Variants in VAT1L observed in about 807,000 individuals in gnomAD.
The protein encoded by VAT1L is vesicle amine transport 1 like, also known as putative NADPH-dependent quinone oxidoreductase VAT1L.
Under a neutral mutation model 44.1 loss-of-function variants are expected in VAT1L, and 34 were observed. The ratio of observed to expected loss-of-function variants is 0.77; its 90% confidence interval spans 0.59 to 1.03. The LOEUF is 1.03. Ranked by LOEUF, VAT1L falls within the 50% of genes least tolerant of loss-of-function variation. The probability of loss-of-function intolerance (pLI) is 0.00; values close to 1 mark genes in which losing one functional copy is unlikely to be tolerated. For synonymous variants in VAT1L, 253 were observed against 202.2 expected (o/e 1.25, Z -2.13); for missense variants, 615 against 538.8 (o/e 1.14, Z -1.40).
At chr16:77,863,618 G>T (rs1364339686) in intron 4 of VAT1L, among the ~76,000 whole-genome samples, 1 of 152,188 alleles carries the variant, frequency 6.6e-6, no homozygotes, top group African/African-American at 2.4e-5. Context: ...GGAGGGGGCT[G>T]CTCTGGGAAA....
chr16:77,811,169 A>G (rs2016257563), intron 1 of VAT1L, among the ~76,000 whole-genome samples: 1 of 152,216 alleles, frequency 6.6e-6, no homozygotes, highest in African/African-American at 2.4e-5. Flanking sequence ...ACCTGAGGAA[A>G]GAACAGGATA....
At chr16:77,795,286 G>GT (rs1188740186) in intron 1 of VAT1L, among the ~76,000 whole-genome samples, 1 of 147,466 alleles carries the variant, frequency 6.8e-6, no homozygotes, top group Non-Finnish European at 1.5e-5. Context: ...GTGGGGGCGG[G>GT]GGGAAAGATT....
intron 7 of VAT1L, among the ~76,000 whole-genome samples, chr16:77,906,496 T>G (rs571959055): frequency 6.6e-6 from 1 of 152,202 alleles, no homozygotes; most frequent in Admixed American, 6.5e-5. Context: ...TACAGACTTA[T>G]GTGCAGGAAC....
At chr16:77,900,527 TCTA>T (rs1354447360) in intron 7 of VAT1L, among the ~76,000 whole-genome samples, 2 of 151,778 alleles carry the variant, frequency 1.3e-5, no homozygotes, top group Admixed American at 1.3e-4. Flanking sequence ...AAACCCCATT[TCTA>T]CTAAAAATAC....
intron 5 of VAT1L, among the ~76,000 whole-genome samples, chr16:77,877,512 C>CAAAAAAAAAAAAAA (rs55704400): frequency 1.2e-5 from 1 of 86,822 alleles, no homozygotes; most frequent in African/African-American, 4.0e-5. Flanking sequence ...GACTCTGTCT[C>CAAAAAAAAAAAAAA]AAAAAAAAAA....
chr16:77,932,317 G>A (rs2017741872), intron 7 of VAT1L, among the ~76,000 whole-genome samples: 1 of 151,934 alleles, frequency 6.6e-6, no homozygotes, highest in Non-Finnish European at 1.5e-5. Flanking sequence ...GTGTTAGCCA[G>A]GATGGTGTCC....
In VAT1L at chr16:77,877,119, C is replaced by G. The variant is rs899507718; in HGVS notation, c.826+646C>G. 2.0e-5 allele frequency among the ~76,000 whole-genome samples: 3 copies of G among 152,186 alleles called. No homozygotes were observed. In the East Asian group the frequency reaches 5.8e-4, roughly 29 times the overall value. On this transcript the variant is annotated intron_variant, in intron 5 of 8. Transcript: ENST00000302536. Reference sequence around the variant, plus strand: ...AGTGGAAGAGATGTATGCAAAACAACTGGAAGAAGATTTTCTCCAGCAAAA... The same window carrying G: ...AGTGGAAGAGATGTATGCAAAACAAGTGGAAGAAGATTTTCTCCAGCAAAA...
chr16:77,961,485 G>A (rs1339424748), intron 7 of VAT1L, among the ~76,000 whole-genome samples: 3 of 152,180 alleles, frequency 2.0e-5, no homozygotes, highest in Non-Finnish European at 4.4e-5. Flanking sequence ...GGTGGGAGAA[G>A]AAACCATTGT....
At chr16:77,877,650 G>C (rs1345188218) in intron 5 of VAT1L, among the ~76,000 whole-genome samples, 3 of 150,260 alleles carry the variant, frequency 2.0e-5, no homozygotes, top group Non-Finnish European at 4.4e-5. Context: ...TTGGTACCTT[G>C]TCCCCTGTAG....
intron 3 of VAT1L, among the ~76,000 whole-genome samples, chr16:77,840,672 A>G (rs2016695140): frequency 6.6e-6 from 1 of 152,170 alleles, no homozygotes; most frequent in Non-Finnish European, 1.5e-5. Flanking sequence ...TTAGTGATGA[A>G]TATGTTTACT....
intron 8 of VAT1L, among the ~76,000 whole-genome samples, chr16:77,973,932 T>C (rs1231687632): frequency 3.3e-5 from 5 of 152,020 alleles, no homozygotes; most frequent in Non-Finnish European, 5.9e-5. Flanking sequence ...TTCACCATGT[T>C]AGCCAGGATC....
At chr16:77,922,483 G>C (rs1454417580) in intron 7 of VAT1L, among the ~76,000 whole-genome samples, 1 of 152,152 alleles carries the variant, frequency 6.6e-6, no homozygotes, top group East Asian at 1.9e-4. Flanking sequence ...GCCTCAGAAT[G>C]CAAGGAGATT....
chr16:77,908,887 C>A (rs889888240), intron 7 of VAT1L, among the ~76,000 whole-genome samples: 5 of 152,038 alleles, frequency 3.3e-5, no homozygotes. Context: ...GCACTCCAGC[C>A]TGGGCGACAG....
chr16:77,947,720 C>T (rs1597115734), intron 7 of VAT1L, among the ~76,000 whole-genome samples: 1 of 152,304 alleles, frequency 6.6e-6, no homozygotes, highest in South Asian at 2.1e-4. Flanking sequence ...TGTTCTCTTG[C>T]CTGAGTGTAT....
Position 77,924,671 on chromosome 16 carries a change from A to G in VAT1L, c.1077+39869A>G, listed in dbSNP as rs527940297. ...GAGACGGGGTTTCACCATGTTGGCC[A>G]GGCTGGTCTTGAACTCCTGGCAAGT... On this transcript the variant is annotated intron_variant, in intron 7 of 8. Transcript: ENST00000302536. Among the ~76,000 whole-genome samples the G allele has an allele frequency of 4.6e-5, 7 of 152,308 alleles. No homozygotes were observed. The South Asian group carries it at 8.3e-4, about 18-fold the overall frequency.
intron 7 of VAT1L, chr16:77,892,302 G>T (rs1431152417): frequency 3.7e-6 from 1 of 267,270 alleles, no homozygotes; most frequent in Non-Finnish European, 7.3e-6. Context: ...CACTATGGCA[G>T]ATTTCAACTA....
intron 7 of VAT1L, among the ~76,000 whole-genome samples, chr16:77,927,991 A>C (rs2017688936): frequency 6.6e-6 from 1 of 152,184 alleles, no homozygotes; most frequent in African/African-American, 2.4e-5. Flanking sequence ...TTGACCTCTA[A>C]TTCAATCCTT....
At chr16:77,919,226 G>T (rs943180366) in intron 7 of VAT1L, among the ~76,000 whole-genome samples, 47 of 44,254 alleles carry the variant, frequency 1.1e-3, no homozygotes, top group Non-Finnish European at 2.8e-3. Flanking sequence ...TAGGTGTCCA[G>T]GGGAAAACAG....
rs1224277072 is a variant in VAT1L, at chr16:77,816,989, T to C, written c.302T>C (p.Val101Ala). 1.2e-5 allele frequency: 20 copies of C among 1,613,920 alleles called. No individual in the cohort carries two copies. The highest frequency in any genetic ancestry group is 1.6e-5 in the Non-Finnish European group (19 of 1,179,962). ...GACAACCCTCCCAAGACTCCCCTGG[T>C]GCCAGGATTTGAGTGTTCTGGGATT... ...NIDNPPKTPL[V>A]PGFECSGIVE... The change falls in exon 2 of 9, where the codon GTG (valine) becomes GCG (alanine). Residue 101 changes from valine (V) to alanine (A), a missense_variant. By Grantham distance (64) the Val-to-Ala change is moderately conservative. Coordinates refer to ENST00000302536, the MANE Select transcript of VAT1L (RefSeq NM_020927.3).
Sources: allele counts gnomAD v4.1 joint callset (sites outside exome capture counted in the v4.1 genomes callset), GRCh38; gene constraint gnomAD v4.1.1; transcripts MANE v1.5; gene names NCBI Gene and HGNC (gene_info 2026-07-23, HGNC 2026-07-21).